The following PCNX1 variants were observed in gnomAD, a reference collection of about 807,000 sequenced individuals.
PCNX1 encodes pecanex 1.
PCNX1 carries 78 observed loss-of-function variants against 242.2 expected under a neutral mutation model. That is an observed-to-expected ratio of 0.32 (90% confidence interval 0.27 to 0.39). The LOEUF is 0.39. PCNX1 is among the 10% of genes least tolerant of loss of function. PCNX1 has a pLI of 1.00. For missense variants in PCNX1, 2,581 were observed against 2,856.5 expected (o/e 0.90, Z 2.20); for synonymous variants, 1,024 against 1,032.9 (o/e 0.99, Z 0.17).
intron 1 of PCNX1, among the ~76,000 whole-genome samples, chr14:70,914,079 T>C (rs1163145813): frequency 2.6e-5 from 4 of 152,298 alleles, no homozygotes; most frequent in Non-Finnish European, 2.9e-5. Context: ...TGTCCAAAGA[T>C]GGTTTACACA....
chr14:71,022,759 C>G (rs2060138653), intron 12 of PCNX1, among the ~76,000 whole-genome samples: 1 of 152,008 alleles, frequency 6.6e-6, no homozygotes, highest in South Asian at 2.1e-4. Flanking sequence ...ATTTAGTAAG[C>G]TTGGAATTTA....
chr14:71,098,258 T>C (rs1221853013), intron 30 of PCNX1, among the ~76,000 whole-genome samples: 11 of 152,212 alleles, frequency 7.2e-5, no homozygotes, highest in Admixed American at 7.2e-4. Flanking sequence ...GTTTTGGCTG[T>C]TCAGGCTCTT....
In PCNX1 at chr14:71,108,680, G is replaced by A; in HGVS notation, c.6378G>A (p.Gln2126=). 10 of 1,614,254 alleles carry A rather than the reference G, an allele frequency of 6.2e-6. No individual in the cohort carries two copies. Among genetic ancestry groups the A allele is most frequent in the Non-Finnish European group, 8.5e-6 (10 of 1,180,038 alleles). Residue 2126 remains glutamine, a synonymous_variant, in exon 34 of 36, where the codon CAG becomes CAA. Coordinates refer to ENST00000304743, the MANE Select transcript of PCNX1 (RefSeq NM_014982.3). ...QSPARASVAS[Q]SSYCYSSRHS... ...CTGCCCGGGCCTCAGTAGCCAGCCA[G>A]TCTTCCTACTGCTATAGCAGCCGGC...
chr14:71,065,633 G>T (rs1384276074), intron 26 of PCNX1, among the ~76,000 whole-genome samples: 4 of 152,116 alleles, frequency 2.6e-5, no homozygotes, highest in East Asian at 3.8e-4. Flanking sequence ...GATCCCATTT[G>T]TCTATTTTGG....
chr14:70,963,888 T>A (rs2140492043), intron 3 of PCNX1, among the ~76,000 whole-genome samples: 2 of 152,362 alleles, frequency 1.3e-5, no homozygotes, highest in Middle Eastern at 6.8e-3. Flanking sequence ...TTCTCTTGTG[T>A]GTTCATCACT....
intron 2 of PCNX1, among the ~76,000 whole-genome samples, chr14:70,956,271 A>C (rs2057990031): frequency 6.6e-6 from 1 of 152,152 alleles, no homozygotes; most frequent in African/African-American, 2.4e-5. Flanking sequence ...GGCCAAGCGC[A>C]GTGGCTCACG....
At chr14:71,049,006 C>A in intron 22 of PCNX1, 1 of 946,212 alleles carries the variant, frequency 1.1e-6, no homozygotes, top group Non-Finnish European at 1.3e-6. Flanking sequence ...TGGTTATTAA[C>A]CAAAGGAGGA....
intron 30 of PCNX1, among the ~76,000 whole-genome samples, chr14:71,101,246 C>T (rs961548166): frequency 4.6e-5 from 7 of 152,064 alleles, no homozygotes; most frequent in Non-Finnish European, 4.4e-5. Flanking sequence ...TTTAATATAC[C>T]ATTTCAAAAC....
chr14:71,027,092 A>G (rs923074373), intron 15 of PCNX1: 5 of 428,584 alleles, frequency 1.2e-5, no homozygotes, highest in South Asian at 1.1e-4. Context: ...AGAGCCAGGT[A>G]TAATGAAGCA....
chr14:70,949,211 ATG>A (rs1286402568), intron 2 of PCNX1, among the ~76,000 whole-genome samples: 2 of 144,858 alleles, frequency 1.4e-5, no homozygotes, highest in Non-Finnish European at 3.0e-5. Flanking sequence ...GTATATACAC[ATG>A]TATATATAGA....
In PCNX1 at chr14:70,969,009, T is replaced by A. The variant is rs1450603909; in HGVS notation, c.515-12T>A. On this transcript the variant is annotated splice_polypyrimidine_tract_variant and intron_variant, in intron 4 of 35. Transcript: ENST00000304743. ...AATATAAGGTCCTCACATGTTTCTC[T>A]TAACTTTGTAGGAGATACAGACACT... The A allele has an allele frequency of 6.5e-7, 1 of 1,538,312 alleles. No individual in the cohort carries two copies.
Position 71,036,137 on chromosome 14 carries a change from A to G in PCNX1, c.3847A>G (p.Thr1283Ala). Reference protein sequence around the residue: ...GVLYFAIHVSTVFTVLQPALK... With the variant: ...GVLYFAIHVSAVFTVLQPALK... ...GCTGTATTTTGCTATTCATGTAAGC[A>G]CAGTCTTCACAGTATTGCAGGTAAG... Residue 1283 changes from threonine (T) to alanine (A), a missense_variant, in exon 19 of 36, where the codon ACA becomes GCA. Physicochemically the swap from Thr to Ala is moderately conservative, Grantham distance 58. Around this residue, in one of 9 missense-constraint regions of PCNX1, gnomAD observed 432 missense variants for 443.1 expected, o/e 0.97. Coordinates refer to ENST00000304743, the MANE Select transcript of PCNX1 (RefSeq NM_014982.3). The G allele has an allele frequency of 1.3e-6, 2 of 1,591,996 alleles. No homozygotes were observed. The highest frequency in any genetic ancestry group is 1.7e-6 in the Non-Finnish European group (2 of 1,159,868).
intron 2 of PCNX1, among the ~76,000 whole-genome samples, chr14:70,947,873 C>T (rs1262045120): frequency 6.6e-6 from 1 of 152,136 alleles, no homozygotes; most frequent in Non-Finnish European, 1.5e-5. Context: ...AGGAGCAGCC[C>T]TGGGAAAAGA....
chr14:71,036,218 A>T, intron 19 of PCNX1, 61 bp downstream of exon 19: 1 of 1,089,356 alleles, frequency 9.2e-7, no homozygotes, highest in Non-Finnish European at 1.4e-6. Context: ...TCACTCTGTC[A>T]CCCAGGCTGG....
intron 2 of PCNX1, among the ~76,000 whole-genome samples, chr14:70,949,906 C>T (rs2057710153): frequency 6.6e-6 from 1 of 152,224 alleles, no homozygotes; most frequent in Non-Finnish European, 1.5e-5. Flanking sequence ...TGTTATTATC[C>T]CTGATTTACA....
chr14:71,001,563 C>T lies in PCNX1; in HGVS notation c.2629+5638C>T, dbSNP rs550448337. Among the ~76,000 whole-genome samples, 22 of 152,224 alleles carry T rather than the reference C, an allele frequency of 1.4e-4. No homozygotes were observed. The South Asian group carries it at 4.1e-3, about 29-fold the overall frequency. ...TGCCTGAACAGCTCTAGGAATTTTACGGAAACTTACAGGGACAGGTTGAGA... is the reference window on the plus strand; with the variant it reads ...TGCCTGAACAGCTCTAGGAATTTTATGGAAACTTACAGGGACAGGTTGAGA... On this transcript the variant is annotated intron_variant, in intron 8 of 35. Transcript: ENST00000304743.
chr14:70,999,240 T>G (rs1342670055), intron 8 of PCNX1, among the ~76,000 whole-genome samples: 4 of 152,196 alleles, frequency 2.6e-5, no homozygotes, highest in Non-Finnish European at 5.9e-5. Flanking sequence ...TGATGAAACT[T>G]GCCATTATAG....
intron 19 of PCNX1, among the ~76,000 whole-genome samples, chr14:71,042,675 C>G (rs1028483966): frequency 2.0e-5 from 3 of 151,818 alleles, no homozygotes; most frequent in Admixed American, 6.6e-5. Context: ...GGATACACAT[C>G]TGGACAGTCT....
At position 71,013,160 on chromosome 14, in the gene PCNX1, G is replaced by T. The variant is rs1420233045; in HGVS notation, c.2954G>T (p.Gly985Val). Residue 985 changes from glycine (G) to valine (V), a missense_variant, in exon 11 of 36, where the codon GGC becomes GTC. By Grantham distance (109) the Gly-to-Val change is moderately radical. This residue lies in a region of PCNX1 where 1,204 missense variants were observed against 1,216.7 expected (regional missense o/e 0.99). Transcript: ENST00000304743. ...RFWILPQLWI[G>V]INFDRLTLLA... ...TGGATCCTACCCCAGCTGTGGATTG[G>T]CATTAACTTTGACAGACTCACACTT... 2 of 1,613,978 alleles carry T rather than the reference G, an allele frequency of 1.2e-6. No individual in the cohort carries two copies. The highest frequency in any genetic ancestry group is 1.7e-6 in the Non-Finnish European group (2 of 1,179,982).
Sources: allele counts gnomAD v4.1 joint callset (sites outside exome capture counted in the v4.1 genomes callset), GRCh38; gene constraint gnomAD v4.1.1; regional missense constraint gnomAD v4.1.1; transcripts MANE v1.5; gene names NCBI Gene and HGNC (gene_info 2026-07-23, HGNC 2026-07-21).